Variants in ZNF385D observed in about 807,000 individuals in gnomAD.
ZNF385D encodes the protein zinc finger protein 385D.
ZNF385D carries 15 observed loss-of-function variants against 35.8 expected under a neutral mutation model. The ratio of observed to expected loss-of-function variants is 0.42; its 90% CI spans 0.28 to 0.64. The LOEUF is 0.64. ZNF385D is among the 30% of genes least tolerant of loss of function. The pLI is 0.23. For missense variants in ZNF385D, 474 were observed against 494.6 expected (o/e 0.96, Z 0.39); for synonymous variants, 212 against 186.8 (o/e 1.13, Z -1.10).
intron 2 of ZNF385D, among the ~76,000 whole-genome samples, chr3:22,287,675 G>A (rs1179783078): frequency 6.6e-6 from 1 of 151,812 alleles, no homozygotes; most frequent in Non-Finnish European, 1.5e-5. Context: ...GGTTTTTGAT[G>A]ACACAATTTA....
chr3:22,067,245 G>C (rs1700004481), intron 3 of ZNF385D, among the ~76,000 whole-genome samples: 1 of 152,120 alleles, frequency 6.6e-6, no homozygotes, highest in Non-Finnish European at 1.5e-5. Context: ...TTTATGACTG[G>C]AGACATTAAG....
intron 3 of ZNF385D, among the ~76,000 whole-genome samples, chr3:22,165,014 A>G (rs1055177800): frequency 2.0e-5 from 3 of 152,206 alleles, no homozygotes; most frequent in African/African-American, 7.2e-5. Flanking sequence ...GGAGGGAAAG[A>G]TGAATAGGCA....
chr3:21,853,483 G>A (rs1696514166), intron 3 of ZNF385D, among the ~76,000 whole-genome samples: 1 of 145,530 alleles, frequency 6.9e-6, no homozygotes. Flanking sequence ...GTGTTTTAGA[G>A]TTTAATTGTT....
chr3:21,718,518 T>C (rs546156486), intron 1 of ZNF385D, among the ~76,000 whole-genome samples: 2 of 152,370 alleles, frequency 1.3e-5, no homozygotes, highest in East Asian at 3.9e-4. Context: ...ACTTTACACA[T>C]ATTATCTTAT....
intron 2 of ZNF385D, among the ~76,000 whole-genome samples, chr3:21,571,753 T>C (rs932134047): frequency 1.3e-5 from 2 of 152,126 alleles, no homozygotes; most frequent in Admixed American, 1.3e-4. Flanking sequence ...GAATGACTTA[T>C]ATGGCTCAAA....
chr3:22,236,690 A>G (rs573321523), intron 2 of ZNF385D, among the ~76,000 whole-genome samples: 22 of 152,162 alleles, frequency 1.4e-4, no homozygotes, highest in East Asian at 1.9e-4. Context: ...ATGAAACCCC[A>G]TAATGATTAG....
chr3:21,790,249 C>CT (rs5847136), intron 3 of ZNF385D, among the ~76,000 whole-genome samples: 5 of 79,722 alleles, frequency 6.3e-5, no homozygotes, highest in East Asian at 6.4e-4. Flanking sequence ...GCATATGTGG[C>CT]TTTTTTTCAA....
At chr3:22,027,574 G>A (rs2125469290) in intron 3 of ZNF385D, among the ~76,000 whole-genome samples, 1 of 152,264 alleles carries the variant, frequency 6.6e-6, no homozygotes, top group East Asian at 1.9e-4. Flanking sequence ...GGGCTTTGGT[G>A]GAAACTGGAC....
chr3:22,031,380 T>C (rs1355990705), intron 3 of ZNF385D, among the ~76,000 whole-genome samples: 1 of 152,102 alleles, frequency 6.6e-6, no homozygotes, highest in African/African-American at 2.4e-5. Context: ...CTACATTCTT[T>C]AAAATCTAGG....
intron 3 of ZNF385D, chr3:22,134,489 C>T (rs748589365): frequency 6.6e-6 from 1 of 152,064 alleles, no homozygotes; most frequent in Non-Finnish European, 1.5e-5. Context: ...AAGATCTAAA[C>T]AACATCGTCA....
intron 1 of ZNF385D, among the ~76,000 whole-genome samples, chr3:21,730,064 C>T (rs1250208824): frequency 1.3e-5 from 2 of 152,160 alleles, no homozygotes; most frequent in African/African-American, 4.8e-5. Flanking sequence ...ATTATACAAA[C>T]TACACACATT....
chr3:21,511,736 C>T (rs1337803299), intron 3 of ZNF385D: 2 of 456,314 alleles, frequency 4.4e-6, no homozygotes, highest in African/African-American at 4.0e-5. Flanking sequence ...TGGGGCCAAT[C>T]CAGTTCTTTT....
Position 21,494,917 on chromosome 3 carries a change from C to T in ZNF385D, c.439+15944G>A, listed in dbSNP as rs370433440. 8.5e-5 allele frequency among the ~76,000 whole-genome samples: 13 copies of T among 152,228 alleles called. 1 individual carries two copies. The South Asian group carries it at 2.1e-3, about 24-fold the overall frequency. The stretch of plus-strand genomic sequence containing the variant: ...TACTGGTTAACAATATCTGTGTCCC[C>T]GTCTACCTCCTTTATAGGAAAAGAT... On this transcript the variant is annotated intron_variant, in intron 4 of 7. Coordinates refer to ENST00000281523, the MANE Select transcript of ZNF385D (RefSeq NM_024697.3).
intron 3 of ZNF385D, among the ~76,000 whole-genome samples, chr3:21,760,205 T>C (rs1051690456): frequency 6.6e-6 from 1 of 152,344 alleles, no homozygotes; most frequent in South Asian, 2.1e-4. Flanking sequence ...ATTTTCACCC[T>C]TGACTCAAAA....
intron 3 of ZNF385D, among the ~76,000 whole-genome samples, chr3:22,038,645 G>A (rs1052076647): frequency 1.3e-5 from 2 of 152,150 alleles, no homozygotes; most frequent in Admixed American, 1.3e-4. Context: ...GAAAAAACTA[G>A]TGTAATTTGG....
intron 3 of ZNF385D, among the ~76,000 whole-genome samples, chr3:21,558,746 A>C (rs2062831819): frequency 1.3e-5 from 1 of 78,802 alleles, no homozygotes. Flanking sequence ...TGCACTGTTA[A>C]AGTCTCCCAC....
intron 2 of ZNF385D, among the ~76,000 whole-genome samples, chr3:22,351,221 AG>A (rs1695902011): frequency 6.6e-6 from 1 of 152,088 alleles, no homozygotes; most frequent in Admixed American, 6.5e-5. Context: ...CCATAAAGAC[AG>A]TAATTTTAGC....
intron 2 of ZNF385D, among the ~76,000 whole-genome samples, chr3:21,648,700 G>A (rs962998540): frequency 6.6e-6 from 1 of 152,106 alleles, no homozygotes; most frequent in African/African-American, 2.4e-5. Flanking sequence ...TTTGAAGAGT[G>A]TGAATTGGAG....
chr3:21,907,231 A>G (rs995206417), intron 3 of ZNF385D, among the ~76,000 whole-genome samples: 2 of 152,204 alleles, frequency 1.3e-5, no homozygotes, highest in Non-Finnish European at 2.9e-5. Flanking sequence ...TTTAAAAAAC[A>G]TGTATCTGTA....
Sources: allele counts gnomAD v4.1 joint callset (sites outside exome capture counted in the v4.1 genomes callset), GRCh38; gene constraint gnomAD v4.1.1; transcripts MANE v1.5; gene names NCBI Gene and HGNC (gene_info 2026-07-23, HGNC 2026-07-21).